Variants in CCDC30 observed in about 807,000 individuals in gnomAD.
The protein encoded by CCDC30 is coiled-coil domain containing 30.
Under a neutral mutation model 100.2 loss-of-function variants are expected in CCDC30, and 70 were observed. That is an observed-to-expected ratio of 0.70 (90% CI 0.58 to 0.85). The LOEUF is 0.85. Among genes scored for constraint, CCDC30 ranks in the 40% least tolerant of loss-of-function variants. The pLI is 0.00. For synonymous variants in CCDC30, 233 were observed against 269.5 expected, an observed-to-expected ratio of 0.86 and a Z score of 1.33; for missense variants, 652 against 771.2, an observed-to-expected ratio of 0.85 and a Z score of 1.83.
At chr1:42,476,659 C>T (rs1265720456) in intron 1 of CCDC30, among the ~76,000 whole-genome samples, 3 of 149,132 alleles carry the variant, frequency 2.0e-5, no homozygotes, top group Non-Finnish European at 4.4e-5. Flanking sequence ...CGTTGCACTC[C>T]AGCCTGGGCA....
chr1:42,583,394 A>G (rs1306641447), intron 9 of CCDC30, among the ~76,000 whole-genome samples: 1 of 152,234 alleles, frequency 6.6e-6, no homozygotes, highest in Non-Finnish European at 1.5e-5. Flanking sequence ...AATAAAATAT[A>G]TAGGGAAATT....
chr1:42,477,602 C>G (rs1245881315), intron 1 of CCDC30, among the ~76,000 whole-genome samples: 2 of 152,168 alleles, frequency 1.3e-5, no homozygotes, highest in African/African-American at 2.4e-5. Context: ...TTTTCCCTAG[C>G]ATGTTAATGA....
At chr1:42,644,761 G>A in exon 14 of CCDC30, 2 of 1,613,564 alleles carry the variant, frequency 1.2e-6, no homozygotes, top group Non-Finnish European at 1.7e-6. Context: ...CAGCAGATTG[G>A]CTTCTTAGAG....
At chr1:42,587,941 G>T (rs1291841237) in intron 9 of CCDC30, among the ~76,000 whole-genome samples, 1 of 152,164 alleles carries the variant, frequency 6.6e-6, no homozygotes, top group African/African-American at 2.4e-5. Flanking sequence ...AGGGAAAAAG[G>T]CTTTATTAGG....
intron 6 of CCDC30, among the ~76,000 whole-genome samples, 180 bp from the exon 7 acceptor site, chr1:42,536,296 A>G (rs1160716883): frequency 6.6e-6 from 1 of 152,180 alleles, no homozygotes; most frequent in Non-Finnish European, 1.5e-5. Context: ...ACTACATTTT[A>G]CCATTGTGTA....
intron 6 of CCDC30, among the ~76,000 whole-genome samples, chr1:42,557,721 A>AT: frequency 1.9e-5 from 2 of 107,930 alleles, no homozygotes; most frequent in African/African-American, 3.4e-5. Context: ...ATATGTAAAT[A>AT]ATAAAATATT....
intron 6 of CCDC30, among the ~76,000 whole-genome samples, chr1:42,504,643 T>TAAAAGTAACATTAAC (rs1169123955): frequency 6.6e-6 from 1 of 152,230 alleles, no homozygotes; most frequent in African/African-American, 2.4e-5. Context: ...AATGTTAGTA[T>TAAAAGTAACATTAAC]AAAAGGATAA....
the CCDC30 span, chr1:42,457,209 C>T: frequency 6.2e-7 from 1 of 1,612,890 alleles, no homozygotes; most frequent in South Asian, 1.1e-5. Context: ...TATATCGTAC[C>T]TCGCCGATTT....
chr1:42,648,088 G>A (rs1648034338), intron 15 of CCDC30, among the ~76,000 whole-genome samples: 1 of 151,916 alleles, frequency 6.6e-6, no homozygotes, highest in Non-Finnish European at 1.5e-5. Context: ...TTACAGGCAT[G>A]TGCCACCATG....
Position 42,566,158 on chromosome 1 carries a change from C to G in CCDC30, c.457-138C>G, listed in dbSNP as rs1420856880. On this transcript the variant is annotated intron_variant, in intron 6 of 16. Coordinates refer to ENST00000668663, the Ensembl canonical transcript of CCDC30. Reference sequence around the variant, plus strand: ...TCCATAAATGTAAAAGAGTAGTTTGCTGTAGATAAGCTAACTCCAAAAACA... The same window carrying G: ...TCCATAAATGTAAAAGAGTAGTTTGGTGTAGATAAGCTAACTCCAAAAACA... The G allele has an allele frequency of 8.1e-6, 5 of 619,404 alleles. No individual in the cohort carries two copies. The East Asian group carries it at 1.1e-4, about 14-fold the overall frequency. 38.4% of individuals were successfully genotyped at this position (619,404 alleles called of 1,614,324 possible).
At chr1:42,616,080 T>A (rs1157824260) in intron 11 of CCDC30, among the ~76,000 whole-genome samples, 1 of 152,136 alleles carries the variant, frequency 6.6e-6, no homozygotes, top group Non-Finnish European at 1.5e-5. Flanking sequence ...CACACCCAGC[T>A]AATTTTTTTA....
At chr1:42,461,462 A>G (rs1484873762), upstream of CCDC30, among the ~76,000 whole-genome samples, 1 of 152,024 alleles carries the variant, frequency 6.6e-6, no homozygotes, top group Non-Finnish European at 1.5e-5. Context: ...CAGCCTTCTG[A>G]GCAGCTGAGA....
At chr1:42,585,640 C>G (rs1010661897) in intron 9 of CCDC30, among the ~76,000 whole-genome samples, 1 of 151,944 alleles carries the variant, frequency 6.6e-6, no homozygotes, top group Non-Finnish European at 1.5e-5. Flanking sequence ...GCTTAGATTA[C>G]TGATTTTATA....
chr1:42,497,051 C>T, intron 4 of CCDC30, 47 bp from the exon 5 acceptor site: 1 of 1,072,552 alleles, frequency 9.3e-7, no homozygotes. Flanking sequence ...GCCCCTGAAA[C>T]TAAAACTTTG....
intron 8 of CCDC30, among the ~76,000 whole-genome samples, chr1:42,579,984 C>T (rs1405428795): frequency 2.0e-5 from 3 of 151,298 alleles, no homozygotes; most frequent in Non-Finnish European, 4.4e-5. Context: ...AGCAAGGATG[C>T]GATTAACACA....
Position 42,466,310 on chromosome 1 carries a change from T to C in CCDC30, c.-92+2412T>C, listed in dbSNP as rs115408939. ...TAGGGTCCTGGCCCCTGCAATGCAG[T>C]TGGAGAGTACCTACCAGGAGAAAAA... On this transcript the variant is annotated intron_variant, in intron 1 of 16. Transcript: ENST00000668663. 3.0e-3 allele frequency among the ~76,000 whole-genome samples: 457 copies of C among 152,276 alleles called. 7 individuals carry two copies. Among genetic ancestry groups the C allele is most frequent in the African/African-American group, 0.01 (432 of 41,558 alleles).
chr1:42,626,262 C>T (rs888449358), intron 11 of CCDC30, among the ~76,000 whole-genome samples: 11 of 151,784 alleles, frequency 7.2e-5, no homozygotes, highest in Admixed American at 7.2e-4. Flanking sequence ...GTAAAATGTC[C>T]TTTTTGTAGG....
At chr1:42,506,555 A>AT (rs1349286398) in intron 6 of CCDC30, among the ~76,000 whole-genome samples, 4 of 152,328 alleles carry the variant, frequency 2.6e-5, no homozygotes, top group African/African-American at 9.6e-5. Flanking sequence ...ATCCCATACA[A>AT]TTTTGGAACA....
At chr1:42,510,225 T>G in intron 6 of CCDC30, 2 of 639,988 alleles carry the variant, frequency 3.1e-6, no homozygotes, top group Non-Finnish European at 3.9e-6. Context: ...TTTTCTCTTT[T>G]CCTTTTGACC....
Sources: gnomAD v4.1 joint callset for allele counts (sites outside exome capture counted in the v4.1 genomes callset) on GRCh38, gnomAD v4.1.1 for gene constraint, MANE v1.5 for transcripts, NCBI Gene and HGNC (gene_info 2026-07-23, HGNC 2026-07-21) for gene names.